The following EPHA3 variants were observed in gnomAD, a reference collection of about 807,000 sequenced individuals.
EPHA3 encodes the protein ephrin type-A receptor 3.
A neutral mutation model predicts 107.1 loss-of-function variants in EPHA3; 42 were observed. That is an observed-to-expected ratio of 0.39 (90% CI 0.31 to 0.51). The LOEUF (loss-of-function observed/expected upper bound fraction) is 0.51. Among genes scored for constraint, EPHA3 ranks in the 20% least tolerant of loss-of-function variants. The pLI is 0.78. For missense variants in EPHA3, 1,183 were observed against 1,211.2 expected, an observed-to-expected ratio of 0.98 and a Z score of 0.35; for synonymous variants, 461 against 424.8, an observed-to-expected ratio of 1.09 and a Z score of -1.05.
intron 3 of EPHA3, among the ~76,000 whole-genome samples, chr3:89,235,814 T>A (rs1704745009): frequency 6.6e-6 from 1 of 151,532 alleles, no homozygotes. Flanking sequence ...TTTAAGAAAG[T>A]AAAAAAAGTT....
intron 3 of EPHA3, among the ~76,000 whole-genome samples, chr3:89,329,191 A>G (rs774574326): frequency 2.0e-5 from 3 of 152,228 alleles, no homozygotes; most frequent in Admixed American, 6.5e-5. Context: ...TTCATATGTA[A>G]ACATACACAC....
chr3:89,277,393 T>C (rs1448272012), intron 3 of EPHA3, among the ~76,000 whole-genome samples: 2 of 152,138 alleles, frequency 1.3e-5, no homozygotes, highest in African/African-American at 4.8e-5. Context: ...CAGTACAATA[T>C]TCACTATATA....
chr3:89,477,986 CA>C (rs1710550385), intron 16 of EPHA3, among the ~76,000 whole-genome samples: 1 of 152,128 alleles, frequency 6.6e-6, no homozygotes, highest in South Asian at 2.1e-4. Context: ...AGTGCAGATA[CA>C]AGTACAGAAA....
At chr3:89,120,742 CAA>C (rs1463559167) in intron 1 of EPHA3, among the ~76,000 whole-genome samples, 9 of 151,988 alleles carry the variant, frequency 5.9e-5, no homozygotes, top group Admixed American at 5.9e-4. Flanking sequence ...CTACTGTTGG[CAA>C]AGATTGAGAT....
At chr3:89,315,618 A>G (rs1305982375) in intron 3 of EPHA3, among the ~76,000 whole-genome samples, 1 of 114,498 alleles carries the variant, frequency 8.7e-6, no homozygotes, top group East Asian at 2.6e-4. Flanking sequence ...CCTTTTTAAT[A>G]AAAAAAAAAA....
At chr3:89,423,584 A>T (rs189926060) in intron 11 of EPHA3, among the ~76,000 whole-genome samples, 1 of 151,496 alleles carries the variant, frequency 6.6e-6, no homozygotes, top group African/African-American at 2.4e-5. Context: ...TTTATCATGG[A>T]TTCATGGCTG....
At chr3:89,428,338 T>C (rs1313386406) in intron 11 of EPHA3, among the ~76,000 whole-genome samples, 2 of 152,032 alleles carry the variant, frequency 1.3e-5, no homozygotes, top group African/African-American at 4.8e-5. Flanking sequence ...TAATACTTAA[T>C]ATGTTAATAT....
intron 3 of EPHA3, among the ~76,000 whole-genome samples, chr3:89,230,062 A>T (rs1302308240): frequency 6.6e-6 from 1 of 152,140 alleles, no homozygotes; most frequent in Non-Finnish European, 1.5e-5. Flanking sequence ...TAGAGTGTAT[A>T]TGAGTAATAA....
intron 5 of EPHA3, among the ~76,000 whole-genome samples, chr3:89,342,394 C>T (rs765870903): frequency 6.6e-6 from 1 of 151,966 alleles, no homozygotes; most frequent in Admixed American, 6.6e-5. Context: ...TTTTATATTT[C>T]AGAGAACTTA....
At chr3:89,274,945 A>T (rs1351035265) in intron 3 of EPHA3, among the ~76,000 whole-genome samples, 2 of 152,030 alleles carry the variant, frequency 1.3e-5, no homozygotes, top group African/African-American at 4.8e-5. Context: ...CATGACAGAT[A>T]TGTCAGGCAT....
chr3:89,345,747 C>A (rs1319139304), intron 5 of EPHA3, among the ~76,000 whole-genome samples: 3 of 144,560 alleles, frequency 2.1e-5, no homozygotes, highest in Non-Finnish European at 4.6e-5. Flanking sequence ...GGTATATCTC[C>A]CAATGCTATC....
At chr3:89,396,162 A>G (rs1708848059) in intron 6 of EPHA3, among the ~76,000 whole-genome samples, 1 of 152,210 alleles carries the variant, frequency 6.6e-6, no homozygotes, top group Non-Finnish European at 1.5e-5. Context: ...CTACAGCAAT[A>G]AACAACATCA....
chr3:89,160,491 G>A (rs956034363), intron 2 of EPHA3, among the ~76,000 whole-genome samples: 1 of 150,664 alleles, frequency 6.6e-6, no homozygotes, highest in Non-Finnish European at 1.5e-5. Context: ...ATAAATAACT[G>A]TTCATAAGTA....
intron 3 of EPHA3, among the ~76,000 whole-genome samples, chr3:89,304,903 T>C (rs1706576775): frequency 6.6e-6 from 1 of 152,160 alleles, no homozygotes; most frequent in Non-Finnish European, 1.5e-5. Flanking sequence ...ATTCAATACA[T>C]ATTTAAGGAA....
At chr3:89,335,833 T>C (rs1707380187) in intron 3 of EPHA3, among the ~76,000 whole-genome samples, 1 of 152,188 alleles carries the variant, frequency 6.6e-6, no homozygotes, top group African/African-American at 2.4e-5. Flanking sequence ...TTAAGATCCA[T>C]GAATAATTTT....
At chr3:89,230,477 T>C (rs1226753272) in intron 3 of EPHA3, among the ~76,000 whole-genome samples, 1 of 152,098 alleles carries the variant, frequency 6.6e-6, no homozygotes. Context: ...GGAATGTTTT[T>C]AAGTAGAGTG....
At chr3:89,303,690 T>C (rs1245867740) in intron 3 of EPHA3, among the ~76,000 whole-genome samples, 1 of 152,194 alleles carries the variant, frequency 6.6e-6, no homozygotes, top group Non-Finnish European at 1.5e-5. Context: ...GAAATAACCA[T>C]GTCATGCTGC....
intron 7 of EPHA3, chr3:89,400,471 C>G (rs1184634456): frequency 1.3e-5 from 2 of 152,354 alleles, no homozygotes; most frequent in African/African-American, 4.8e-5. Context: ...CTCCTGACCT[C>G]GTGATCCGCC....
At chr3:89,218,477 T>TA (rs1220783861) in intron 3 of EPHA3, among the ~76,000 whole-genome samples, 1 of 152,066 alleles carries the variant, frequency 6.6e-6, no homozygotes, top group East Asian at 1.9e-4. Flanking sequence ...CACCATTTTT[T>TA]ATGGCTGCAT....
Sources: gnomAD v4.1 joint callset for allele counts (sites outside exome capture counted in the v4.1 genomes callset) on GRCh38, gnomAD v4.1.1 for gene constraint, MANE v1.5 for transcripts, NCBI Gene and HGNC (gene_info 2026-07-23, HGNC 2026-07-21) for gene names.